Variants in ZNF626 observed in about 807,000 individuals in gnomAD.
ZNF626 encodes the protein zinc finger protein 626, also known as CTC-513N18.7.
ZNF626 carries 4 observed loss-of-function variants against 11.7 expected under a neutral mutation model. The observed-to-expected ratio is 0.34, with a 90% CI of 0.17 to 0.78. The LOEUF is 0.78. ZNF626 is among the 30% of genes least tolerant of loss of function. The pLI is 0.57. For synonymous variants in ZNF626, 179 were observed against 198.6 expected (o/e 0.90, Z 0.83); for missense variants, 588 against 587.1 (o/e 1.00, Z -0.01).
chr19:20,626,879 C>G (rs1969840944), intron 3 of ZNF626, among the ~76,000 whole-genome samples: 1 of 151,944 alleles, frequency 6.6e-6, no homozygotes, highest in South Asian at 2.1e-4. Flanking sequence ...AGCTGGAATG[C>G]TGGCAGCCAC....
At chr19:20,643,430 A>G (rs1047355225) in intron 3 of ZNF626, among the ~76,000 whole-genome samples, 3 of 152,162 alleles carry the variant, frequency 2.0e-5, no homozygotes, top group Non-Finnish European at 2.9e-5. Context: ...ATAACTACTT[A>G]TAACTAGTAA....
Position 20,624,116 on chromosome 19 carries a change from T to TATGAA in ZNF626, c.*169_*173dup. 9.2e-7 allele frequency: 1 copy of TATGAA among 1,088,460 alleles called. No homozygotes were observed. Among genetic ancestry groups the TATGAA allele is most frequent in the East Asian group, 2.4e-5 (1 of 42,382 alleles). The allele number at this position is 1,088,460 out of a possible 1,614,324, so 67.4% of individuals were successfully genotyped here. ...TCACATCTGTAGGGTTTCTCTCCAGTATGAAATCTCTTATGTGTAGTAAGT... is the reference window on the plus strand; with the variant it reads ...TCACATCTGTAGGGTTTCTCTCCAGTATGAAATGAAATCTCTTATGTGTAGTAAGT... On this transcript the variant is annotated 3_prime_UTR_variant, in exon 4 of 4. Transcript: ENST00000601440.
chr19:20,623,704 C>T lies in ZNF626; in HGVS notation c.*586G>A, dbSNP rs1969783056. 5.0e-6 allele frequency: 1 copy of T among 201,578 alleles called. No individual in the cohort carries two copies. Among genetic ancestry groups the T allele is most frequent in the Non-Finnish European group, 1.0e-5 (1 of 100,438 alleles). 12.5% of individuals were successfully genotyped at this position (201,578 alleles called of 1,614,324 possible). A position where few individuals can be genotyped will look rare whatever the true frequency, so the allele number is the denominator to read the frequency against. ...ATCCCCCTTACTTGGGAGGTTGAGG[C>T]AGGAGAATGGATTGAACCCAGAAGG... On this transcript the variant is annotated 3_prime_UTR_variant, in exon 4 of 4. Transcript: ENST00000601440.
intron 3 of ZNF626, among the ~76,000 whole-genome samples, chr19:20,630,956 A>G (rs1227461475): frequency 3.9e-4 from 59 of 151,302 alleles, no homozygotes; most frequent in Admixed American, 8.5e-4. Flanking sequence ...TGTGTCCCAG[A>G]GATTCTGGTA....
intron 1 of ZNF626, among the ~76,000 whole-genome samples, chr19:20,659,888 G>A (rs1490589272): frequency 6.6e-6 from 1 of 152,074 alleles, no homozygotes; most frequent in Non-Finnish European, 1.5e-5. Context: ...GCTTCTTTCA[G>A]AATGAAGGCT....
At chr19:20,646,839 G>GATTTATTT (rs567986347) in intron 1 of ZNF626, among the ~76,000 whole-genome samples, 4,142 of 151,832 alleles carry the variant, frequency 0.027, 172 homozygotes, top group African/African-American at 0.095. Context: ...AATAAAGTCT[G>GATTTATTT]ATTTATTTAT....
At chr19:20,660,806 T>C (rs1599490923) in intron 1 of ZNF626, among the ~76,000 whole-genome samples, 1 of 152,156 alleles carries the variant, frequency 6.6e-6, no homozygotes, top group Non-Finnish European at 1.5e-5. Context: ...TCTAAGCTGA[T>C]CCTGGTAAGC....
rs1555769299 is a variant in ZNF626, at chr19:20,624,836, G to A, written c.1041C>T (p.Gly347=). 1 of 1,613,862 alleles carries A rather than the reference G, an allele frequency of 6.2e-7. No homozygotes were observed. Among genetic ancestry groups the A allele is most frequent in the Non-Finnish European group, 8.5e-7 (1 of 1,179,968 alleles). Residue 347 remains glycine (G), a synonymous_variant, in exon 4 of 4, where the codon GGC becomes GGT. Transcript: ENST00000601440. ...GGGTAGAGGAGTACTTAAAGGCTTT[G>A]CCACATTCTTCACATTTGTAGGGTT... ...EDKPYKCEEC[G]KAFKYSSTLT...
intron 3 of ZNF626, among the ~76,000 whole-genome samples, chr19:20,644,360 T>C (rs1366122783): frequency 6.6e-6 from 1 of 152,166 alleles, no homozygotes; most frequent in East Asian, 1.9e-4. Context: ...CCGAAGGATA[T>C]GCAGTCTGTC....
intron 1 of ZNF626, among the ~76,000 whole-genome samples, chr19:20,660,243 TAAAAAAAA>T (rs35231346): frequency 9.5e-6 from 1 of 104,874 alleles, no homozygotes; most frequent in Non-Finnish European, 1.9e-5. Flanking sequence ...ACACTGTGTC[TAAAAAAAA>T]AAAAAAAAAA....
chr19:20,661,310 C>G, intron 1 of ZNF626, 134 bp downstream of exon 1: 2 of 1,242,154 alleles, frequency 1.6e-6, no homozygotes, highest in Non-Finnish European at 2.3e-6. Context: ...GGACTGAGGC[C>G]GAGCTGAGCA....
At chr19:20,630,339 G>A (rs1481202797) in intron 3 of ZNF626, among the ~76,000 whole-genome samples, 4 of 152,180 alleles carry the variant, frequency 2.6e-5, no homozygotes, top group Non-Finnish European at 4.4e-5. Context: ...GGTTGGAATA[G>A]TTTCAGAAGG....
intron 1 of ZNF626, among the ~76,000 whole-genome samples, chr19:20,656,565 TTTA>T (rs1568462730): frequency 6.6e-6 from 1 of 152,162 alleles, no homozygotes; most frequent in East Asian, 1.9e-4. Flanking sequence ...ACATACAGAA[TTTA>T]TTAAGAATTT....
In ZNF626 at chr19:20,623,519, C is replaced by A. The variant is rs1399500915; in HGVS notation, c.*771G>T. 1 of 154,644 alleles carries A rather than the reference C, an allele frequency of 6.5e-6. No individual in the cohort carries two copies. Among genetic ancestry groups the A allele is most frequent in the Non-Finnish European group, 1.4e-5 (1 of 69,738 alleles). 9.6% of individuals were successfully genotyped at this position (154,644 alleles called of 1,614,324 possible). A position where few individuals can be genotyped will look rare whatever the true frequency, so the allele number is the denominator to read the frequency against. On this transcript the variant is annotated 3_prime_UTR_variant, in exon 4 of 4. Transcript: ENST00000601440. ...GTCTCTTAATAGTAAGAACTTGTGG[C>A]CAGGCATGGTGGCTCATGCCTGTAA... is the stretch of plus-strand genomic sequence containing the variant.
intron 1 of ZNF626, among the ~76,000 whole-genome samples, chr19:20,660,295 C>CTTAG (rs1302166524): frequency 6.8e-6 from 1 of 147,652 alleles, no homozygotes; most frequent in Admixed American, 6.7e-5. Context: ...TAATATTAGC[C>CTTAG]TTAGCTTGGA....
At chr19:20,657,897 G>T (rs1370576293) in intron 1 of ZNF626, among the ~76,000 whole-genome samples, 1 of 151,968 alleles carries the variant, frequency 6.6e-6, no homozygotes, top group Non-Finnish European at 1.5e-5. Flanking sequence ...TAAGAGCTAA[G>T]TAATAAGAAC....
chr19:20,631,690 G>A (rs1250922135), intron 3 of ZNF626, among the ~76,000 whole-genome samples: 9 of 150,660 alleles, frequency 6.0e-5, no homozygotes, highest in Admixed American at 1.3e-4. Flanking sequence ...GTCCCTGCAC[G>A]TGAGATGGGT....
chr19:20,630,959 T>G (rs1444601117), intron 3 of ZNF626, among the ~76,000 whole-genome samples: 1 of 151,898 alleles, frequency 6.6e-6, no homozygotes, highest in Non-Finnish European at 1.5e-5. Context: ...GTCCCAGAGA[T>G]TCTGGTATGT....
intron 3 of ZNF626, 36 bp downstream of exon 3, chr19:20,645,648 G>C (rs1293206167): frequency 1.2e-5 from 19 of 1,594,154 alleles, no homozygotes; most frequent in Admixed American, 1.8e-5. Context: ...CCCCTTATCT[G>C]TGTCATCTGT....
Sources: allele counts gnomAD v4.1 joint callset (sites outside exome capture counted in the v4.1 genomes callset), GRCh38; gene constraint gnomAD v4.1.1; transcripts MANE v1.5; gene names NCBI Gene and HGNC (gene_info 2026-07-23, HGNC 2026-07-21).